The following ESRRG variants were observed in gnomAD, a reference collection of about 807,000 sequenced individuals.
ESRRG encodes estrogen-related receptor gamma.
In ESRRG, 13 loss-of-function variants were observed where a neutral mutation model predicts 44.0. The observed-to-expected ratio is 0.30, with a 90% confidence interval of 0.19 to 0.47. The LOEUF is 0.47. ESRRG is among the 20% of genes least tolerant of loss of function. ESRRG has a pLI of 1.00. For synonymous variants in ESRRG, 215 were observed against 214.6 expected (o/e 1.00, Z -0.02); for missense variants, 395 against 580.6 (o/e 0.68, Z 3.29).
chr1:216,747,678 A>G (rs997002387), intron 2 of ESRRG, among the ~76,000 whole-genome samples: 5 of 152,212 alleles, frequency 3.3e-5, no homozygotes, highest in African/African-American at 1.2e-4. Flanking sequence ...TTCTGCTGTG[A>G]GCAATTTGTG....
intron 6 of ESRRG, among the ~76,000 whole-genome samples, chr1:216,517,717 C>T (rs926336745): frequency 6.6e-6 from 1 of 152,036 alleles, no homozygotes; most frequent in African/African-American, 2.4e-5. Context: ...AATTTCTACC[C>T]CATCTCTCAC....
chr1:217,094,547 G>A (rs945115126), upstream of ESRRG, among the ~76,000 whole-genome samples: 13 of 152,216 alleles, frequency 8.5e-5, no homozygotes, highest in African/African-American at 2.9e-4. Flanking sequence ...ATAAAATGAA[G>A]TAGTGGAAAT....
chr1:217,021,380 C>G (rs1190329525), intron 1 of ESRRG, among the ~76,000 whole-genome samples: 1 of 152,210 alleles, frequency 6.6e-6, no homozygotes, highest in Non-Finnish European at 1.5e-5. Flanking sequence ...CATTAACACT[C>G]TGCTTTGACC....
chr1:217,054,167 A>C (rs2151277637), intron 1 of ESRRG, among the ~76,000 whole-genome samples: 1 of 152,262 alleles, frequency 6.6e-6, no homozygotes, highest in African/African-American at 2.4e-5. Flanking sequence ...TTTTCTACTA[A>C]GTTTGCACTT....
At chr1:217,053,173 G>A (rs995731018) in intron 1 of ESRRG, among the ~76,000 whole-genome samples, 1 of 142,670 alleles carries the variant, frequency 7.0e-6, no homozygotes, top group East Asian at 2.1e-4. Context: ...AAAAAGAAAA[G>A]GCTGGGCAGG....
intron 2 of ESRRG, among the ~76,000 whole-genome samples, chr1:216,884,962 C>T (rs2096495110): frequency 6.6e-6 from 1 of 152,108 alleles, no homozygotes; most frequent in South Asian, 2.1e-4. Context: ...TATTATGGAA[C>T]AGGAAATAGG....
intron 1 of ESRRG, among the ~76,000 whole-genome samples, chr1:216,955,952 T>C (rs2067870429): frequency 6.6e-6 from 1 of 152,178 alleles, no homozygotes; most frequent in African/African-American, 2.4e-5. Flanking sequence ...ATTGGTCCCT[T>C]GTCACAGCTA....
chr1:217,027,170 C>T (rs577682055), intron 1 of ESRRG, among the ~76,000 whole-genome samples: 18 of 152,052 alleles, frequency 1.2e-4, no homozygotes, highest in Non-Finnish European at 2.1e-4. Context: ...ACATACTGTC[C>T]CCAAGAACAA....
chr1:217,114,970 T>C (rs1220365835), intron 1 of ESRRG, among the ~76,000 whole-genome samples: 1 of 152,120 alleles, frequency 6.6e-6, no homozygotes. Context: ...GGCAAGGTTT[T>C]TCTAGTTAAC....
intron 2 of ESRRG, among the ~76,000 whole-genome samples, chr1:216,744,551 A>C (rs1481739507): frequency 6.6e-6 from 1 of 152,130 alleles, no homozygotes; most frequent in East Asian, 1.9e-4. Flanking sequence ...CAACGATGCC[A>C]AAAACACACA....
intron 1 of ESRRG, among the ~76,000 whole-genome samples, chr1:216,697,433 C>A (rs548347646): frequency 9.5e-4 from 145 of 152,182 alleles, no homozygotes; most frequent in Non-Finnish European, 2.0e-3. Context: ...CTGAGTTTTA[C>A]CAATCTTTCA....
At chr1:216,713,918 A>T (rs1046512276) in intron 1 of ESRRG, among the ~76,000 whole-genome samples, 2 of 152,204 alleles carry the variant, frequency 1.3e-5, no homozygotes, top group Non-Finnish European at 2.9e-5. Flanking sequence ...TCTCAGTCTT[A>T]TCAGGTGTAT....
chr1:217,121,686 G>A (rs905610888), intron 1 of ESRRG, among the ~76,000 whole-genome samples: 3 of 152,176 alleles, frequency 2.0e-5, no homozygotes, highest in Non-Finnish European at 2.9e-5. Flanking sequence ...AACCAAGTCA[G>A]GAATGCAAGT....
At chr1:216,910,591 T>G (rs2060192318) in intron 2 of ESRRG, among the ~76,000 whole-genome samples, 2 of 152,186 alleles carry the variant, frequency 1.3e-5, no homozygotes, top group African/African-American at 4.8e-5. Context: ...GGATAAAAAT[T>G]TGGCATTTCT....
At chr1:216,760,555 A>T (rs941878614) in intron 2 of ESRRG, among the ~76,000 whole-genome samples, 1 of 151,978 alleles carries the variant, frequency 6.6e-6, no homozygotes, top group Non-Finnish European at 1.5e-5. Context: ...GTGAGCTATG[A>T]TTACACCACT....
At chr1:216,646,974 C>T (rs1364497560) in intron 3 of ESRRG, among the ~76,000 whole-genome samples, 3 of 152,100 alleles carry the variant, frequency 2.0e-5, no homozygotes, top group African/African-American at 7.2e-5. Flanking sequence ...TCAAGACACC[C>T]TTTAATCCTT....
intron 1 of ESRRG, among the ~76,000 whole-genome samples, chr1:216,686,629 C>T (rs2078033415): frequency 6.9e-6 from 1 of 143,936 alleles, no homozygotes; most frequent in African/African-American, 2.5e-5. Flanking sequence ...AAAAAATCAA[C>T]TAAAAAAAAA....
At chr1:216,707,277 T>C in intron 1 of ESRRG, 2 of 1,461,544 alleles carry the variant, frequency 1.4e-6, no homozygotes, top group Non-Finnish European at 1.8e-6. Flanking sequence ...AATCAAACCA[T>C]ATACAAGTAA....
intron 1 of ESRRG, among the ~76,000 whole-genome samples, chr1:216,965,271 A>C (rs2070053270): frequency 6.6e-6 from 1 of 152,014 alleles, no homozygotes; most frequent in Non-Finnish European, 1.5e-5. Context: ...AGAAATTCAG[A>C]CTTCAGTATA....
Sources: allele counts gnomAD v4.1 joint callset (sites outside exome capture counted in the v4.1 genomes callset), GRCh38; gene constraint gnomAD v4.1.1; transcripts MANE v1.5; gene names NCBI Gene and HGNC (gene_info 2026-07-23, HGNC 2026-07-21).